The following UBR3 variants were observed in gnomAD, a reference collection of about 807,000 sequenced individuals.
UBR3 encodes the protein E3 ubiquitin-protein ligase UBR3.
UBR3 carries 85 observed loss-of-function variants against 243.2 expected under a neutral mutation model. That is an observed-to-expected ratio of 0.35 (90% CI 0.29 to 0.42). UBR3 has a LOEUF of 0.42. UBR3 is among the 10% of genes least tolerant of loss of function. The pLI is 1.00. For synonymous variants in UBR3, 748 were observed against 799.8 expected, an observed-to-expected ratio of 0.94 and a Z score of 1.09; for missense variants, 1,686 against 2,300.8, an observed-to-expected ratio of 0.73 and a Z score of 5.47.
At chr2:170,077,808 A>G (rs2091841303) in intron 36 of UBR3, 1 of 262,060 alleles carries the variant, frequency 3.8e-6, no homozygotes, top group African/African-American at 2.3e-5. Context: ...CTGGTCTTGA[A>G]CTCCTGACCT....
intron 1 of UBR3, among the ~76,000 whole-genome samples, chr2:169,832,005 A>G (rs2081955511): frequency 6.6e-6 from 1 of 152,194 alleles, no homozygotes; most frequent in African/African-American, 2.4e-5. Context: ...CCTTTTCACC[A>G]GTGTCTGACT....
intron 1 of UBR3, among the ~76,000 whole-genome samples, chr2:169,854,849 A>C (rs1175110933): frequency 6.6e-6 from 1 of 152,122 alleles, no homozygotes; most frequent in East Asian, 1.9e-4. Flanking sequence ...TTATGTGTTG[A>C]GATTAGGAAG....
intron 36 of UBR3, chr2:170,078,068 T>TC: frequency 1.5e-6 from 1 of 673,614 alleles, no homozygotes; most frequent in Admixed American, 2.0e-5. Context: ...GGAGTCTTTC[T>TC]TTTGTCTGGT....
intron 18 of UBR3, among the ~76,000 whole-genome samples, chr2:169,932,029 CAA>C (rs1451904934): frequency 6.6e-6 from 1 of 150,538 alleles, no homozygotes. Context: ...CTTTTATAAA[CAA>C]AAAAGACTTA....
intron 24 of UBR3, among the ~76,000 whole-genome samples, chr2:169,982,846 A>T (rs2088802626): frequency 6.6e-6 from 1 of 152,230 alleles, no homozygotes; most frequent in South Asian, 2.1e-4. Context: ...GTTAGTTTTC[A>T]TCAGTCAATG....
intron 36 of UBR3, among the ~76,000 whole-genome samples, chr2:170,079,234 T>A (rs1174725239): frequency 6.6e-6 from 1 of 152,226 alleles, no homozygotes; most frequent in Non-Finnish European, 1.5e-5. Flanking sequence ...ATTTTTTTAT[T>A]CTTATAGCAA....
chr2:169,942,575 C>T lies in UBR3; in HGVS notation c.2746C>T (p.Leu916Phe). Reference protein sequence around the residue: ...RTSLHPSYKGLMRLLHCKTLH... With the variant: ...RTSLHPSYKGFMRLLHCKTLH... The stretch of plus-strand genomic sequence containing the variant: ...ATCACTCCATCCTAGCTATAAAGGT[C>T]TTATGAGACTTTTGCACTGTAAAAC... Residue 916 changes from leucine to phenylalanine, a missense_variant, in exon 20 of 39, where the codon CTT (leucine) becomes TTT (phenylalanine). Leu to Phe is a conservative substitution (Grantham distance 22). Transcript: ENST00000272793. 3 of 1,550,470 alleles carry T rather than the reference C, an allele frequency of 1.9e-6. No homozygotes were observed. Among genetic ancestry groups the T allele is most frequent in the Non-Finnish European group, 2.6e-6 (3 of 1,146,670 alleles).
chr2:169,849,221 G>A (rs1389609923), intron 1 of UBR3, among the ~76,000 whole-genome samples: 1 of 152,196 alleles, frequency 6.6e-6, no homozygotes, highest in Non-Finnish European at 1.5e-5. Flanking sequence ...AGTCAAGAGG[G>A]CCCTGCACTA....
chr2:169,945,013 T>C (rs1297581680), intron 20 of UBR3, among the ~76,000 whole-genome samples: 1 of 152,162 alleles, frequency 6.6e-6, no homozygotes, highest in Admixed American at 6.6e-5. Context: ...CTCACATCAT[T>C]GGCACCACCC....
chr2:170,062,823 G>A (rs1432840063), intron 35 of UBR3, among the ~76,000 whole-genome samples: 1 of 152,214 alleles, frequency 6.6e-6, no homozygotes, highest in East Asian at 1.9e-4. Context: ...GGCGTTGAAA[G>A]TTGGTCTGGT....
chr2:169,995,793 T>C (rs2089457116), intron 26 of UBR3, among the ~76,000 whole-genome samples: 1 of 152,178 alleles, frequency 6.6e-6, no homozygotes, highest in African/African-American at 2.4e-5. Context: ...CACTCAGAAG[T>C]ATCTGAAGGC....
intron 8 of UBR3, among the ~76,000 whole-genome samples, chr2:169,902,135 C>T (rs1574159500): frequency 3.9e-5 from 6 of 152,164 alleles, no homozygotes. Flanking sequence ...AGCCTAAAAA[C>T]CTAGGAGTTG....
chr2:169,987,907 G>A (rs982245017), intron 25 of UBR3, among the ~76,000 whole-genome samples: 83 of 152,058 alleles, frequency 5.5e-4, no homozygotes, highest in African/African-American at 2.0e-3. Context: ...TATGTAGAGA[G>A]CTCATATTGA....
In UBR3 at chr2:170,055,589, G is replaced by C; in HGVS notation, c.4785+5G>C. On this transcript the variant is annotated splice_donor_5th_base_variant and intron_variant, in intron 33 of 38. Transcript: ENST00000272793. Reference sequence around the variant, plus strand: ...CACGCGGGAGCTCTCAAAAAGGTTAGGCTCTTTCTAAATTTGTCATTTAGC... The same window carrying C: ...CACGCGGGAGCTCTCAAAAAGGTTACGCTCTTTCTAAATTTGTCATTTAGC... 6.2e-7 allele frequency: 1 copy of C among 1,612,310 alleles called. No homozygotes were observed. Among genetic ancestry groups the C allele is most frequent in the Non-Finnish European group, 8.5e-7 (1 of 1,178,908 alleles).
intron 19 of UBR3, 49 bp from the exon 20 acceptor site, chr2:169,942,444 T>C (rs1210228005): frequency 1.3e-6 from 2 of 1,495,764 alleles, no homozygotes; most frequent in Middle Eastern, 1.8e-4. Context: ...TAAACCACAG[T>C]TTGATTTTGA....
At position 170,083,794 on chromosome 2, in the gene UBR3, T is replaced by C. The variant is rs1231673336; in HGVS notation, c.*1951T>C. The C allele has an allele frequency of 2.6e-5, 4 of 152,616 alleles. No homozygotes were observed. The highest frequency in any genetic ancestry group is 5.9e-5 in the Non-Finnish European group (4 of 67,998). 9.5% of individuals were successfully genotyped at this position (152,616 alleles called of 1,614,324 possible). On this transcript the variant is annotated 3_prime_UTR_variant, in exon 39 of 39. Transcript: ENST00000272793. The stretch of plus-strand genomic sequence containing the variant: ...TTGATATTGGTGAATTAGTCACCAG[T>C]AAATTTTAAAAAAGCACTTGGTTGA...
At chr2:170,079,176 A>C (rs983417324) in intron 36 of UBR3, among the ~76,000 whole-genome samples, 55 of 152,240 alleles carry the variant, frequency 3.6e-4, no homozygotes, top group Admixed American at 3.5e-3. Flanking sequence ...ATACAGCTGC[A>C]AATAGTTAAT....
intron 11 of UBR3, among the ~76,000 whole-genome samples, chr2:169,921,281 A>C (rs1196880368): frequency 6.6e-6 from 1 of 152,196 alleles, no homozygotes; most frequent in Non-Finnish European, 1.5e-5. Context: ...TTTGGAGTTC[A>C]GGAGTGAGAT....
Position 169,881,178 on chromosome 2 carries a change from T to A in UBR3, c.1038+2604T>A, listed in dbSNP as rs377726667. Among the ~76,000 whole-genome samples, 4 of 152,090 alleles carry A rather than the reference T, an allele frequency of 2.6e-5. No homozygotes were observed. The East Asian group carries it at 5.8e-4, about 22-fold the overall frequency. On this transcript the variant is annotated intron_variant, in intron 5 of 38. Coordinates refer to ENST00000272793, the MANE Select transcript of UBR3 (RefSeq NM_172070.4). Reference sequence around the variant, plus strand: ...TAGTTTAGACCCTTTGACCTTTATTTTTTATTTATTTATTTTTTTGAGATA... The same window carrying A: ...TAGTTTAGACCCTTTGACCTTTATTATTTATTTATTTATTTTTTTGAGATA...
Sources: allele counts gnomAD v4.1 joint callset (sites outside exome capture counted in the v4.1 genomes callset), GRCh38; gene constraint gnomAD v4.1.1; transcripts MANE v1.5; gene names NCBI Gene and HGNC (gene_info 2026-07-23, HGNC 2026-07-21).